KIAA1958: variants seen among roughly 807,000 people sequenced by gnomAD.
KIAA1958 encodes uncharacterized protein KIAA1958.
Under a neutral mutation model 47.2 loss-of-function variants are expected in KIAA1958, and 14 were observed. The observed-to-expected ratio is 0.30, with a 90% CI of 0.20 to 0.46. The LOEUF (loss-of-function observed/expected upper bound fraction) is 0.46, where lower values mean the gene tolerates loss of function less well. Ranked by LOEUF, KIAA1958 falls within the 20% of genes least tolerant of loss-of-function variation. The pLI is 1.00. For synonymous variants in KIAA1958, 354 were observed against 353.3 expected (o/e 1.00, Z -0.02); for missense variants, 803 against 909.2 (o/e 0.88, Z 1.50).
chr9:112,598,736 A>G (rs560227099), intron 2 of KIAA1958, among the ~76,000 whole-genome samples: 1 of 152,248 alleles, frequency 6.6e-6, no homozygotes, highest in African/African-American at 2.4e-5. Context: ...ACTGAAGTGT[A>G]TAATTAAGAC....
At chr9:112,595,148 T>C (rs1359703017) in intron 2 of KIAA1958, among the ~76,000 whole-genome samples, 1 of 152,186 alleles carries the variant, frequency 6.6e-6, no homozygotes, top group Non-Finnish European at 1.5e-5. Context: ...AAGTGATTGA[T>C]AGAAGCAGAA....
intron 2 of KIAA1958, among the ~76,000 whole-genome samples, chr9:112,626,174 G>A (rs1399776699): frequency 1.3e-5 from 2 of 152,090 alleles, no homozygotes; most frequent in Non-Finnish European, 2.9e-5. Flanking sequence ...AAGGAAAGAG[G>A]CCTACAGTAA....
At chr9:112,548,280 C>T (rs908922139) in intron 1 of KIAA1958, among the ~76,000 whole-genome samples, 2 of 152,296 alleles carry the variant, frequency 1.3e-5, no homozygotes, top group Non-Finnish European at 2.9e-5. Flanking sequence ...TTAGCCACTG[C>T]GCCCGGCCAT....
chr9:112,659,019 C>CAAA (rs560013892), intron 3 of KIAA1958, among the ~76,000 whole-genome samples: 148 of 57,728 alleles, frequency 2.6e-3, no homozygotes, highest in Non-Finnish European at 3.1e-3. Flanking sequence ...GACTCTGACT[C>CAAA]AAAAAAAAAA....
Position 112,575,089 on chromosome 9 carries a change from G to T in KIAA1958, c.1009G>T (p.Val337Phe), listed in dbSNP as rs775801762. Residue 337 changes from valine to phenylalanine, a missense_variant, in exon 2 of 4, where the codon GTT (valine) becomes TTT (phenylalanine). By Grantham distance (50) the Val-to-Phe change is conservative. Transcript: ENST00000337530. ...ALQLPGQDEQ[V>F]ASEEFLSHLP... ...GCAGCTGCCTGGACAGGATGAGCAAGTTGCCTCTGAAGAGTTCCTGTCCCA... is the reference window on the plus strand; with the variant it reads ...GCAGCTGCCTGGACAGGATGAGCAATTTGCCTCTGAAGAGTTCCTGTCCCA... 6.2e-7 allele frequency: 1 copy of T among 1,612,268 alleles called. No individual in the cohort carries two copies.
intron 2 of KIAA1958, among the ~76,000 whole-genome samples, chr9:112,622,985 T>C (rs1004629050): frequency 6.6e-6 from 1 of 152,222 alleles, no homozygotes; most frequent in African/African-American, 2.4e-5. Context: ...CAAAAAACTC[T>C]ATGCTAATAC....
chr9:112,547,910 A>G (rs1266653657), intron 1 of KIAA1958, among the ~76,000 whole-genome samples: 1 of 151,750 alleles, frequency 6.6e-6, no homozygotes, highest in Non-Finnish European at 1.5e-5. Context: ...AGGACCTCTT[A>G]TCTTAACCCA....
chr9:112,594,314 A>G (rs1388004062), intron 2 of KIAA1958, among the ~76,000 whole-genome samples: 2 of 152,222 alleles, frequency 1.3e-5, no homozygotes, highest in African/African-American at 2.4e-5. Flanking sequence ...TGCACAATTA[A>G]AATGAAGTAT....
intron 1 of KIAA1958, among the ~76,000 whole-genome samples, chr9:112,552,638 T>C (rs1835170329): frequency 6.6e-6 from 1 of 152,224 alleles, no homozygotes; most frequent in Non-Finnish European, 1.5e-5. Flanking sequence ...ATCATCAACA[T>C]AGTGAATTTG....
chr9:112,664,890 G>A lies in KIAA1958; in HGVS notation c.*4821G>A, dbSNP rs1837332297. The A allele has an allele frequency of 6.6e-6, 1 of 152,126 alleles. No individual in the cohort carries two copies. The allele number at this position is 152,126 out of a possible 1,614,324, so 9.4% of individuals were successfully genotyped here. A position where few individuals can be genotyped will look rare whatever the true frequency, so the allele number is the denominator to read the frequency against. Reference sequence around the variant, plus strand: ...CAGAATTTCCCAAGACTTCTTTGAGGAAGGCTGTCCACGCTTCAGGCAAAG... The same window carrying A: ...CAGAATTTCCCAAGACTTCTTTGAGAAAGGCTGTCCACGCTTCAGGCAAAG... On this transcript the variant is annotated 3_prime_UTR_variant, in exon 4 of 4. Transcript: ENST00000337530.
At chr9:112,530,125 G>C (rs1025820784) in intron 1 of KIAA1958, among the ~76,000 whole-genome samples, 2 of 152,238 alleles carry the variant, frequency 1.3e-5, no homozygotes, top group African/African-American at 2.4e-5. Context: ...TTACAGGCGT[G>C]AGCCACCACA....
At chr9:112,531,499 CAT>C in intron 1 of KIAA1958, among the ~76,000 whole-genome samples, 1 of 152,318 alleles carries the variant, frequency 6.6e-6, no homozygotes, top group East Asian at 1.9e-4. Context: ...TCTATTAAGT[CAT>C]ATGACACTGC....
At position 112,661,211 on chromosome 9, in the gene KIAA1958, C is replaced by G. The variant is rs1837271802; in HGVS notation, c.*1142C>G. 1 of 152,182 alleles carries G rather than the reference C, an allele frequency of 6.6e-6. No homozygotes were observed. The highest frequency in any genetic ancestry group is 1.5e-5 in the Non-Finnish European group (1 of 68,038). The allele number at this position is 152,182 out of a possible 1,614,324, so 9.4% of individuals were successfully genotyped here. ...AGGCACCCCACCAGGTAAGCAAACT[C>G]AGCATTAAGGATGTAGTTATAAAAT... On this transcript the variant is annotated 3_prime_UTR_variant, in exon 4 of 4. Coordinates refer to ENST00000337530, the MANE Select transcript of KIAA1958 (RefSeq NM_133465.4).
intron 1 of KIAA1958, among the ~76,000 whole-genome samples, chr9:112,547,302 C>A (rs1442586178): frequency 6.8e-6 from 1 of 147,566 alleles, no homozygotes; most frequent in South Asian, 2.1e-4. Flanking sequence ...CACTTGAATC[C>A]AAGAGATGGA....
intron 2 of KIAA1958, among the ~76,000 whole-genome samples, chr9:112,610,157 GTAAC>G (rs1238915813): frequency 6.6e-6 from 1 of 151,656 alleles, no homozygotes; most frequent in Non-Finnish European, 1.5e-5. Context: ...ATAATGCAGA[GTAAC>G]TAGATAAAAA....
intron 1 of KIAA1958, among the ~76,000 whole-genome samples, chr9:112,568,261 A>G (rs896313089): frequency 3.9e-5 from 6 of 152,192 alleles, no homozygotes; most frequent in African/African-American, 1.2e-4. Context: ...GTGACAGACA[A>G]CCTCAGTCTT....
rs1425795138 is a variant in KIAA1958, at chr9:112,662,462, A to ACACACACACACACACG, written c.*2398_*2399insACACACACACGCACAC. The ACACACACACACACACG allele has an allele frequency of 9.2e-5, 14 of 151,464 alleles. No homozygotes were observed. The highest frequency in any genetic ancestry group is 3.4e-4 in the African/African-American group (14 of 40,880). The allele number at this position is 151,464 out of a possible 1,614,324, so 9.4% of individuals were successfully genotyped here. ...CACATATACATAAGTGTTTACACAC[A>ACACACACACACACACG]CACACGCACAATATGTGGTTAAGCC... On this transcript the variant is annotated 3_prime_UTR_variant, in exon 4 of 4. Coordinates refer to ENST00000337530, the MANE Select transcript of KIAA1958 (RefSeq NM_133465.4).
chr9:112,579,077 TG>T (rs1374262108), intron 2 of KIAA1958, among the ~76,000 whole-genome samples: 5 of 152,064 alleles, frequency 3.3e-5, no homozygotes, highest in African/African-American at 1.2e-4. Flanking sequence ...ATATGGGTTC[TG>T]GATATATTAG....
At chr9:112,591,172 C>G (rs1019183649) in intron 2 of KIAA1958, among the ~76,000 whole-genome samples, 3 of 152,154 alleles carry the variant, frequency 2.0e-5, no homozygotes, top group Non-Finnish European at 4.4e-5. Context: ...CAAGCTCTGC[C>G]TCCCGGGTTC....
Sources: allele counts gnomAD v4.1 joint callset (sites outside exome capture counted in the v4.1 genomes callset), GRCh38; gene constraint gnomAD v4.1.1; transcripts MANE v1.5; gene names NCBI Gene and HGNC (gene_info 2026-07-23, HGNC 2026-07-21).